The following DNAH7 variants were observed in gnomAD, a reference collection of about 807,000 sequenced individuals.
The protein encoded by DNAH7 is dynein axonemal heavy chain 7.
Under a neutral mutation model 444.6 loss-of-function variants are expected in DNAH7, and 397 were observed. The observed-to-expected ratio is 0.89, with a 90% CI of 0.82 to 0.97. DNAH7 has a LOEUF of 0.97. Ranked by LOEUF, DNAH7 falls within the 50% of genes least tolerant of loss-of-function variation. The pLI, the probability that DNAH7 is intolerant of heterozygous loss-of-function variation, is 0.00. For missense variants in DNAH7, 4,902 were observed against 4,800.8 expected (o/e 1.02, Z -0.62); for synonymous variants, 1,636 against 1,624.4 (o/e 1.01, Z -0.17).
Position 195,796,713 on chromosome 2 carries a change from A to G in DNAH7, c.10378T>C (p.Ser3460Pro). The G allele has an allele frequency of 1.9e-6, 3 of 1,614,140 alleles. No individual in the cohort carries two copies. The highest frequency in any genetic ancestry group is 2.5e-6 in the Non-Finnish European group (3 of 1,179,988). ...DQGYGGSKLS[S>P]LSLGQGQGPI... ...CCTTGGCCTTGACCAAGAGATAAAG[A>G]GCTAAGTTTTGATCCCCCATATCCC... Residue 3460 changes from serine (S) to proline (P), a missense_variant, in exon 56 of 65, where the codon TCT (serine) becomes CCT (proline). Transcript: ENST00000312428.
chr2:195,890,652 G>A (rs1701961136), intron 31 of DNAH7, among the ~76,000 whole-genome samples: 2 of 152,122 alleles, frequency 1.3e-5, no homozygotes, highest in Admixed American at 1.3e-4. Context: ...TGCTTCACTT[G>A]TGCCCACAAT....
chr2:195,833,688 CTCTT>C (rs141260502), intron 48 of DNAH7, among the ~76,000 whole-genome samples: 13,867 of 152,148 alleles, frequency 0.091, 693 homozygotes, highest in African/African-American at 0.13. Flanking sequence ...TGTTTATAAT[CTCTT>C]TATTTTAGAT....
At chr2:195,854,770 TA>T (rs1699594954) in intron 45 of DNAH7, among the ~76,000 whole-genome samples, 1 of 152,164 alleles carries the variant, frequency 6.6e-6, no homozygotes, top group Non-Finnish European at 1.5e-5. Flanking sequence ...TATTTTATCA[TA>T]AAAAATAAAA....
At chr2:195,812,201 T>G (rs1473081654) in intron 51 of DNAH7, among the ~76,000 whole-genome samples, 1 of 152,086 alleles carries the variant, frequency 6.6e-6, no homozygotes, top group East Asian at 1.9e-4. Context: ...CCTAACGCCC[T>G]GCCCATCAAA....
At chr2:196,012,988 A>G in intron 9 of DNAH7, 82 bp from the exon 10 acceptor site, 2 of 998,088 alleles carry the variant, frequency 2.0e-6, no homozygotes, top group Non-Finnish European at 2.8e-6. Flanking sequence ...CTTCTTAAAA[A>G]TATCATATTC....
In DNAH7 at chr2:195,875,663, CA is replaced by C. The variant is rs748498457; in HGVS notation, c.6286+11del. ...TTTTCCATCTTAGTAATCACAAACT[CA>C]AAAAATGTACCTGGAGGTCCCATAG... On this transcript the variant is annotated intron_variant, in intron 38 of 64. Coordinates refer to ENST00000312428, the MANE Select transcript of DNAH7 (RefSeq NM_018897.3). The C allele has an allele frequency of 1.3e-6, 2 of 1,543,952 alleles. No homozygotes were observed. The highest frequency in any genetic ancestry group is 1.7e-6 in the Non-Finnish European group (2 of 1,146,074).
chr2:195,737,760 G>T lies in DNAH7; in HGVS notation c.*161C>A. The T allele has an allele frequency of 1.6e-6, 1 of 613,082 alleles. No individual in the cohort carries two copies. The highest frequency in any genetic ancestry group is 2.8e-6 in the Non-Finnish European group (1 of 354,784). 38.0% of individuals were successfully genotyped at this position (613,082 alleles called of 1,614,324 possible). ...AACATTTCCTTACATTTAAGTATGA[G>T]TCATATTAAGTTTAGCTGCATTTGC... On this transcript the variant is annotated 3_prime_UTR_variant, in exon 65 of 65. Coordinates refer to ENST00000312428, the MANE Select transcript of DNAH7 (RefSeq NM_018897.3).
chr2:195,754,336 C>A lies in DNAH7; in HGVS notation c.11764+1G>T, dbSNP rs533848366. The A allele has an allele frequency of 1.2e-6, 2 of 1,613,218 alleles. No homozygotes were observed. The highest frequency in any genetic ancestry group is 1.3e-5 in the African/African-American group (1 of 75,010). On this transcript the variant is annotated splice_donor_variant, in intron 63 of 64. Transcript: ENST00000312428. LOFTEE classifies it high-confidence loss of function. ...CCGACTCATTCTGTCCCTGCACTTA[C>A]CATCCTCAGGAGGATGCTTGTATTC...
chr2:195,837,436 A>G (rs1698430162), intron 47 of DNAH7, among the ~76,000 whole-genome samples: 1 of 152,238 alleles, frequency 6.6e-6, no homozygotes, highest in Non-Finnish European at 1.5e-5. Flanking sequence ...GATTCTAAAA[A>G]GTAAATAATA....
intron 19 of DNAH7, among the ~76,000 whole-genome samples, chr2:195,951,324 T>C (rs1045674908): frequency 1.3e-5 from 2 of 152,190 alleles, no homozygotes; most frequent in Non-Finnish European, 2.9e-5. Context: ...ATGATTTCTG[T>C]TCTTTTGCAT....
At chr2:195,984,056 C>G (rs1692745060) in intron 15 of DNAH7, among the ~76,000 whole-genome samples, 2 of 152,150 alleles carry the variant, frequency 1.3e-5, no homozygotes, top group South Asian at 4.1e-4. Flanking sequence ...GAGATGTTAG[C>G]TAATGTGACA....
chr2:195,755,167 GT>G (rs1420831262), intron 62 of DNAH7, among the ~76,000 whole-genome samples: 3 of 152,174 alleles, frequency 2.0e-5, no homozygotes, highest in Non-Finnish European at 4.4e-5. Context: ...AGATGGTTAT[GT>G]TTTTCACTTT....
chr2:195,832,756 A>T (rs1698136095), intron 48 of DNAH7, among the ~76,000 whole-genome samples: 1 of 152,124 alleles, frequency 6.6e-6, no homozygotes, highest in Non-Finnish European at 1.5e-5. Flanking sequence ...TAAAGTATTT[A>T]AGGTGCCAGT....
At chr2:195,963,359 C>A (rs1382087352) in intron 17 of DNAH7, among the ~76,000 whole-genome samples, 1 of 152,190 alleles carries the variant, frequency 6.6e-6, no homozygotes, top group Admixed American at 6.5e-5. Flanking sequence ...CTCTGATAAT[C>A]AATGATGTTG....
chr2:195,773,131 C>T (rs543563550), intron 60 of DNAH7, among the ~76,000 whole-genome samples: 2 of 152,156 alleles, frequency 1.3e-5, no homozygotes, highest in South Asian at 2.1e-4. Context: ...ATATCCTATA[C>T]AGTTACACAA....
At position 196,005,527 on chromosome 2, in the gene DNAH7, G is replaced by A. The variant is rs545652218; in HGVS notation, c.990-3669C>T. Among the ~76,000 whole-genome samples, 496 of 151,936 alleles carry A rather than the reference G, an allele frequency of 3.3e-3. 2 individuals carry two copies. Among genetic ancestry groups the A allele is most frequent in the South Asian group, 0.01 (50 of 4,824 alleles). Reference sequence around the variant, plus strand: ...TGTTAAAATCAGGAATAAAAGGGGAGACACTAATACTAACATTACAGAAAT... The same window carrying A: ...TGTTAAAATCAGGAATAAAAGGGGAAACACTAATACTAACATTACAGAAAT... On this transcript the variant is annotated intron_variant, in intron 10 of 64. Transcript: ENST00000312428.
intron 48 of DNAH7, among the ~76,000 whole-genome samples, chr2:195,829,982 A>G (rs1490028759): frequency 6.6e-6 from 1 of 152,144 alleles, no homozygotes; most frequent in East Asian, 1.9e-4. Flanking sequence ...GAATTTTAAA[A>G]AAAGGAAAAA....
intron 10 of DNAH7, among the ~76,000 whole-genome samples, chr2:196,008,011 TA>T (rs1282564253): frequency 6.6e-6 from 1 of 152,162 alleles, no homozygotes; most frequent in Non-Finnish European, 1.5e-5. Context: ...ATATAATTGA[TA>T]AGGGTCTAGT....
chr2:195,981,430 G>A (rs949426621), intron 15 of DNAH7, among the ~76,000 whole-genome samples: 4 of 151,114 alleles, frequency 2.6e-5, no homozygotes, highest in Non-Finnish European at 5.9e-5. Flanking sequence ...CAATGTCAAT[G>A]TCAATGACAT....
Sources: allele counts gnomAD v4.1 joint callset (sites outside exome capture counted in the v4.1 genomes callset), GRCh38; gene constraint gnomAD v4.1.1; transcripts MANE v1.5; gene names NCBI Gene and HGNC (gene_info 2026-07-23, HGNC 2026-07-21).